ZNF577: variants seen among roughly 807,000 people sequenced by gnomAD.
The protein encoded by ZNF577 is zinc finger protein 577.
ZNF577 carries 14 observed loss-of-function variants against 13.9 expected under a neutral mutation model. That is an observed-to-expected ratio of 1.00 (90% CI 0.66 to 1.57). The LOEUF is 1.57. Among genes scored for constraint, ZNF577 ranks in the 40% most tolerant of loss-of-function variants. ZNF577 has a pLI of 0.00. For synonymous variants in ZNF577, 203 were observed against 202.9 expected, an observed-to-expected ratio of 1.00 and a Z score of 0.00; for missense variants, 555 against 579.2, an observed-to-expected ratio of 0.96 and a Z score of 0.43.
At chr19:51,846,405 G>T (rs1485643506) in intron 5 of ZNF577, among the ~76,000 whole-genome samples, 1 of 152,090 alleles carries the variant, frequency 6.6e-6, no homozygotes, top group African/African-American at 2.4e-5. Context: ...TGGAATTAGT[G>T]ACCTTAAAAG....
At chr19:51,842,025 T>C (rs1189316763) in intron 8 of ZNF577, among the ~76,000 whole-genome samples, 1 of 152,032 alleles carries the variant, frequency 6.6e-6, no homozygotes, top group Non-Finnish European at 1.5e-5. Flanking sequence ...AAGAAATATA[T>C]AATAGGCTTG....
At chr19:51,883,120 G>A (rs1046417364) in intron 1 of ZNF577, among the ~76,000 whole-genome samples, 7 of 151,568 alleles carry the variant, frequency 4.6e-5, no homozygotes, top group Admixed American at 6.6e-5. Context: ...AGCCTCCTGA[G>A]TAGTTGGGAT....
chr19:51,831,463 T>C (rs2084260738), intron 9 of ZNF577, among the ~76,000 whole-genome samples: 1 of 152,200 alleles, frequency 6.6e-6, no homozygotes, highest in Non-Finnish European at 1.5e-5. Context: ...ATTGACTCTA[T>C]GTCAAAAACG....
At chr19:51,843,462 A>G (rs1015448363) in intron 6 of ZNF577, 2 of 152,222 alleles carry the variant, frequency 1.3e-5, no homozygotes, top group African/African-American at 4.8e-5. Flanking sequence ...GCACTTTGTG[A>G]GTGGAATACA....
intron 9 of ZNF577, among the ~76,000 whole-genome samples, chr19:51,828,060 G>T (rs1034225682): frequency 6.6e-6 from 1 of 152,118 alleles, no homozygotes; most frequent in African/African-American, 2.4e-5. Flanking sequence ...CCCAGCCAAG[G>T]TGTAGCCATA....
At chr19:51,883,824 G>A (rs1174973763) in intron 1 of ZNF577, among the ~76,000 whole-genome samples, 2 of 152,224 alleles carry the variant, frequency 1.3e-5, no homozygotes, top group Admixed American at 6.5e-5. Flanking sequence ...TGTAACCCCA[G>A]TACTTTGGGA....
At chr19:51,840,043 T>G (rs899469025) in exon 9 of ZNF577, 8 of 152,220 alleles carry the variant, frequency 5.3e-5, no homozygotes, top group Admixed American at 4.6e-4. Flanking sequence ...GGCGTGCACA[T>G]GGAAGCAGCA....
intron 9 of ZNF577, among the ~76,000 whole-genome samples, chr19:51,838,590 T>G (rs2084301519): frequency 6.8e-6 from 1 of 147,714 alleles, no homozygotes; most frequent in Non-Finnish European, 1.5e-5. Flanking sequence ...AATATTTATA[T>G]ATAAGTATAA....
chr19:51,886,558 T>C (rs560867532), intron 1 of ZNF577: 13 of 151,944 alleles, frequency 8.6e-5, no homozygotes, highest in East Asian at 5.8e-4. Context: ...AATTGGGAAA[T>C]AGAGCAACAC....
At chr19:51,854,516 T>TTTTTA (rs1273500747) in intron 5 of ZNF577, among the ~76,000 whole-genome samples, 13 of 149,568 alleles carry the variant, frequency 8.7e-5, no homozygotes, top group African/African-American at 3.2e-4. Flanking sequence ...TTTTTTTTTT[T>TTTTTA]AGAGATGGGG....
chr19:51,810,821 T>C (rs1341087154), intron 10 of ZNF577, among the ~76,000 whole-genome samples: 1 of 152,150 alleles, frequency 6.6e-6, no homozygotes, highest in Non-Finnish European at 1.5e-5. Context: ...CTTACTCTAG[T>C]GGGGTGTGTT....
At chr19:51,882,264 T>C (rs1309486340) in intron 1 of ZNF577, among the ~76,000 whole-genome samples, 1 of 152,072 alleles carries the variant, frequency 6.6e-6, no homozygotes, top group Non-Finnish European at 1.5e-5. Context: ...CTTTCCCTCA[T>C]ACATAATACA....
chr19:51,886,453 A>C (rs1568452712), intron 1 of ZNF577: 3 of 152,212 alleles, frequency 2.0e-5, no homozygotes, highest in South Asian at 2.1e-4. Flanking sequence ...TGATGCAAAA[A>C]TATTAAATAA....
chr19:51,880,500 C>G, intron 2 of ZNF577, 99 bp from the exon 3 acceptor site: 2 of 984,984 alleles, frequency 2.0e-6, no homozygotes, highest in Non-Finnish European at 3.1e-6. Context: ...TCACAAACCC[C>G]CTGATCCATA....
rs1490257132 is a variant in ZNF577 at position 51,886,924 on chromosome 19, A to G, written c.-322T>C. The G allele has an allele frequency of 6.6e-6, 1 of 152,246 alleles. No individual in the cohort carries two copies. Among genetic ancestry groups the G allele is most frequent in the Non-Finnish European group, 1.5e-5 (1 of 68,046 alleles). 9.4% of individuals were successfully genotyped at this position (152,246 alleles called of 1,614,324 possible). Reference sequence around the variant, plus strand: ...ACAAAAATGCTCAACTAGAAAAAAGACGTCAATTTATAAGTTATATGTAAT... The same window carrying G: ...ACAAAAATGCTCAACTAGAAAAAAGGCGTCAATTTATAAGTTATATGTAAT... On this transcript the variant is annotated 5_prime_UTR_variant, in exon 1 of 6. Coordinates refer to ENST00000638348, the MANE Select transcript of ZNF577 (RefSeq NM_001370449.1).
In ZNF577 at chr19:51,873,021, C is replaced by T; in HGVS notation, c.969G>A (p.Glu323=). ...LTRHQRIHTG[E]KPYECSECEK... Reference sequence around the variant, plus strand: ...CACACTCACTACATTCATAAGGTTTCTCTCCCGTATGAATCCTCTGATGTC... The same window carrying T: ...CACACTCACTACATTCATAAGGTTTTTCTCCCGTATGAATCCTCTGATGTC... The change falls in exon 6 of 6, where the codon GAG becomes GAA. Residue 323 remains glutamate, a synonymous_variant. Coordinates refer to ENST00000638348, the MANE Select transcript of ZNF577 (RefSeq NM_001370449.1). 6.2e-7 allele frequency: 1 copy of T among 1,614,186 alleles called. No individual in the cohort carries two copies. The highest frequency in any genetic ancestry group is 1.3e-5 in the African/African-American group (1 of 75,048).
At chr19:51,816,201 T>G (rs2084135768) in intron 9 of ZNF577, among the ~76,000 whole-genome samples, 1 of 152,242 alleles carries the variant, frequency 6.6e-6, no homozygotes, top group African/African-American at 2.4e-5. Context: ...TCTCCCTTGC[T>G]ATATACTTGC....
chr19:51,826,425 T>G (rs2084232338), intron 9 of ZNF577, among the ~76,000 whole-genome samples: 1 of 152,254 alleles, frequency 6.6e-6, no homozygotes, highest in African/African-American at 2.4e-5. Context: ...GATCTTGGGT[T>G]TGCTTTTTGG....
intron 9 of ZNF577, among the ~76,000 whole-genome samples, chr19:51,835,483 C>T (rs745727466): frequency 6.7e-6 from 1 of 149,738 alleles, no homozygotes; most frequent in Non-Finnish European, 1.5e-5. Context: ...AAAGAAGTAA[C>T]ATCAGTCTTA....
Sources: gnomAD v4.1 joint callset for allele counts (sites outside exome capture counted in the v4.1 genomes callset) on GRCh38, gnomAD v4.1.1 for gene constraint, MANE v1.5 for transcripts, NCBI Gene and HGNC (gene_info 2026-07-23, HGNC 2026-07-21) for gene names.